Variants in NCKAP5 observed in about 807,000 individuals in gnomAD.
NCKAP5 encodes the protein nck-associated protein 5.
NCKAP5 carries 92 observed loss-of-function variants against 167.0 expected under a neutral mutation model. That is an observed-to-expected ratio of 0.55 (90% confidence interval 0.47 to 0.66). The LOEUF (loss-of-function observed/expected upper bound fraction) is 0.66, where lower values mean the gene tolerates loss of function less well. Ranked by LOEUF, NCKAP5 falls within the 30% of genes least tolerant of loss-of-function variation. The pLI is 0.00. For synonymous variants in NCKAP5, 891 were observed against 877.4 expected, an observed-to-expected ratio of 1.02 and a Z score of -0.27; for missense variants, 2,378 against 2,315.0, an observed-to-expected ratio of 1.03 and a Z score of -0.56.
intron 6 of NCKAP5, among the ~76,000 whole-genome samples, chr2:133,001,827 T>G (rs1050538422): frequency 1.3e-5 from 2 of 152,172 alleles, no homozygotes; most frequent in African/African-American, 4.8e-5. Flanking sequence ...TCTGTGGATT[T>G]GACCAGTTGT....
intron 4 of NCKAP5, among the ~76,000 whole-genome samples, chr2:133,294,429 A>G (rs886762462): frequency 1.3e-5 from 2 of 152,236 alleles, no homozygotes; most frequent in African/African-American, 4.8e-5. Context: ...GACTCTTCTC[A>G]GAGAGCATGT....
intron 6 of NCKAP5, among the ~76,000 whole-genome samples, chr2:133,008,510 A>G (rs957573609): frequency 1.3e-5 from 2 of 152,182 alleles, no homozygotes; most frequent in African/African-American, 2.4e-5. Flanking sequence ...CTTGCAAAAA[A>G]CTTTATAACC....
At chr2:132,743,157 A>C (rs183905265) in intron 16 of NCKAP5, among the ~76,000 whole-genome samples, 333 of 152,024 alleles carry the variant, frequency 2.2e-3, no homozygotes, top group Admixed American at 3.5e-3. Context: ...AGGAAAACAA[A>C]TGAAGTGAGC....
At position 133,526,222 on chromosome 2, in the gene NCKAP5, AGG is replaced by A. The variant is rs1234204126; in HGVS notation, c.-61-8637_-61-8636del. On this transcript the variant is annotated intron_variant, in intron 2 of 19. Transcript: ENST00000409261. ...AAGGAAGGAAGGAAGGAAGGAAGGAAGGAAGAAAGGAAAGGAGGGAGGGAAGG... is the reference window on the plus strand; with the variant it reads ...AAGGAAGGAAGGAAGGAAGGAAGGAAAAGAAAGGAAAGGAGGGAGGGAAGG... Among the ~76,000 whole-genome samples, 187 of 124,782 alleles carry A rather than the reference AGG, an allele frequency of 1.5e-3. 6 individuals are homozygous for A. The highest frequency in any genetic ancestry group is 4.8e-3 in the African/African-American group (149 of 30,774). 81.9% of individuals were successfully genotyped at this position (124,782 alleles called of 152,430 possible). A position where few individuals can be genotyped will look rare whatever the true frequency, so the allele number is the denominator to read the frequency against.
intron 5 of NCKAP5, among the ~76,000 whole-genome samples, chr2:133,168,093 T>C (rs1298860846): frequency 6.6e-6 from 1 of 152,050 alleles, no homozygotes; most frequent in Admixed American, 6.6e-5. Context: ...TTATTCCCAC[T>C]CTCCAGATTA....
At chr2:133,353,829 T>G (rs1463692696) in intron 3 of NCKAP5, among the ~76,000 whole-genome samples, 2 of 152,180 alleles carry the variant, frequency 1.3e-5, no homozygotes, top group Non-Finnish European at 2.9e-5. Flanking sequence ...CCATCCCCAC[T>G]TCCAGCTCCC....
intron 8 of NCKAP5, among the ~76,000 whole-genome samples, chr2:132,887,564 A>T (rs929513437): frequency 1.3e-5 from 2 of 152,148 alleles, no homozygotes; most frequent in African/African-American, 4.8e-5. Context: ...CACCATCTCA[A>T]GAGTCGGGCT....
chr2:133,287,236 C>A (rs1679210684), intron 4 of NCKAP5, among the ~76,000 whole-genome samples: 1 of 152,140 alleles, frequency 6.6e-6, no homozygotes, highest in African/African-American at 2.4e-5. Flanking sequence ...GTATTGTGAA[C>A]CTTGTACCAT....
intron 19 of NCKAP5, among the ~76,000 whole-genome samples, chr2:132,696,028 C>G (rs1199341343): frequency 6.6e-6 from 1 of 152,100 alleles, no homozygotes; most frequent in Non-Finnish European, 1.5e-5. Context: ...GTAATAAATC[C>G]TGGGTTGTTT....
intron 3 of NCKAP5, among the ~76,000 whole-genome samples, chr2:133,385,790 C>T (rs1337046991): frequency 3.3e-5 from 5 of 152,018 alleles, no homozygotes; most frequent in South Asian, 2.1e-4. Context: ...GTGTATGTGT[C>T]GAGGAATTTA....
At chr2:133,589,105 GA>G in the NCKAP5 span, among the ~76,000 whole-genome samples, 1 of 152,196 alleles carries the variant, frequency 6.6e-6, no homozygotes, top group Non-Finnish European at 1.5e-5. Context: ...ATTCTTAAGG[GA>G]TATTGGGGTT....
chr2:133,234,019 C>T (rs1455994982), intron 4 of NCKAP5, among the ~76,000 whole-genome samples: 1 of 152,198 alleles, frequency 6.6e-6, no homozygotes, highest in African/African-American at 2.4e-5. Flanking sequence ...GACAACCAGA[C>T]TAAAACCTGG....
intron 3 of NCKAP5, among the ~76,000 whole-genome samples, chr2:133,474,197 C>T (rs1316350135): frequency 6.6e-6 from 1 of 151,894 alleles, no homozygotes; most frequent in Non-Finnish European, 1.5e-5. Context: ...TATACACACA[C>T]ACAATGGAAT....
At chr2:132,809,267 A>G (rs1351959860) in intron 11 of NCKAP5, among the ~76,000 whole-genome samples, 1 of 152,172 alleles carries the variant, frequency 6.6e-6, no homozygotes, top group Non-Finnish European at 1.5e-5. Context: ...AATATTCTGT[A>G]TAAATCTGTT....
At chr2:133,602,434 A>G in the NCKAP5 span, among the ~76,000 whole-genome samples, 1 of 152,116 alleles carries the variant, frequency 6.6e-6, no homozygotes, top group Non-Finnish European at 1.5e-5. Flanking sequence ...AGATGGTGAG[A>G]GGCTGAATGC....
At chr2:133,264,331 C>T (rs2089070718) in intron 4 of NCKAP5, among the ~76,000 whole-genome samples, 2 of 152,244 alleles carry the variant, frequency 1.3e-5, no homozygotes, top group South Asian at 4.1e-4. Context: ...ATTCCTGCTG[C>T]TGGGATTAAT....
At chr2:133,646,122 T>C in the NCKAP5 span, among the ~76,000 whole-genome samples, 1 of 151,982 alleles carries the variant, frequency 6.6e-6, no homozygotes, top group Non-Finnish European at 1.5e-5. Flanking sequence ...ATAAATAATA[T>C]GTAAACAAAT....
chr2:133,643,131 CTT>C, the NCKAP5 span, among the ~76,000 whole-genome samples: 4 of 152,088 alleles, frequency 2.6e-5, no homozygotes, highest in African/African-American at 9.7e-5. Flanking sequence ...CTGAAACAAA[CTT>C]TATCATTGTT....
chr2:133,594,828 A>G, the NCKAP5 span, among the ~76,000 whole-genome samples: 5 of 152,214 alleles, frequency 3.3e-5, no homozygotes, highest in Non-Finnish European at 5.9e-5. Flanking sequence ...CTTCATCGCT[A>G]TATGAGGACC....
Sources: allele counts gnomAD v4.1 joint callset (sites outside exome capture counted in the v4.1 genomes callset), GRCh38; gene constraint gnomAD v4.1.1; transcripts MANE v1.5; gene names NCBI Gene and HGNC (gene_info 2026-07-23, HGNC 2026-07-21).